The following USH2A variants were observed in gnomAD, a reference collection of about 807,000 sequenced individuals.
The protein encoded by USH2A is usherin.
In USH2A, 443 loss-of-function variants were observed where a neutral mutation model predicts 538.9. The ratio of observed to expected loss-of-function variants is 0.82; its 90% CI spans 0.76 to 0.89. USH2A has a LOEUF of 0.89. Ranked by LOEUF, USH2A falls within the 40% of genes least tolerant of loss-of-function variation. The pLI is 0.00. For synonymous variants in USH2A, 2,413 were observed against 2,273.5 expected, an observed-to-expected ratio of 1.06 and a Z score of -1.75; for missense variants, 6,633 against 6,324.8, an observed-to-expected ratio of 1.05 and a Z score of -1.65.
rs1181522310 is a variant in USH2A, at chr1:216,217,691, A to C, written c.2994-141T>G. The C allele has an allele frequency of 7.2e-6, 7 of 966,628 alleles. No homozygotes were observed. In the African/African-American group the frequency reaches 1.2e-4, roughly 16 times the overall value. The allele number at this position is 966,628 out of a possible 1,614,324, so 59.9% of individuals were successfully genotyped here. On this transcript the variant is annotated intron_variant, in intron 14 of 71. Coordinates refer to ENST00000307340, the MANE Select transcript of USH2A (RefSeq NM_206933.4). ...ATTGAAAAGAATGCTTGAGCTAAAC[A>C]AACAAAGAATCAACATAAAATAAAG...
At chr1:215,894,058 C>A (rs538685844) in intron 40 of USH2A, among the ~76,000 whole-genome samples, 1 of 152,150 alleles carries the variant, frequency 6.6e-6, no homozygotes, top group East Asian at 1.9e-4. Flanking sequence ...CATGGGTCTT[C>A]TGTTCTATGC....
chr1:215,825,508 T>G (rs1663127418), intron 47 of USH2A, among the ~76,000 whole-genome samples: 1 of 152,206 alleles, frequency 6.6e-6, no homozygotes, highest in Admixed American at 6.6e-5. Flanking sequence ...TTACTATTCT[T>G]TAACATTTCA....
At chr1:215,724,952 A>G (rs1231689492) in intron 61 of USH2A, among the ~76,000 whole-genome samples, 1 of 152,190 alleles carries the variant, frequency 6.6e-6, no homozygotes, top group African/African-American at 2.4e-5. Flanking sequence ...GACTTAAATT[A>G]TAGGAGGCAG....
intron 37 of USH2A, among the ~76,000 whole-genome samples, chr1:215,954,709 TATA>T (rs1436588666): frequency 6.6e-6 from 1 of 151,628 alleles, no homozygotes; most frequent in Non-Finnish European, 1.5e-5. Flanking sequence ...AAACTTGAAG[TATA>T]ATAATAATAA....
At chr1:216,199,430 G>A (rs901337221) in intron 17 of USH2A, among the ~76,000 whole-genome samples, 197 bp downstream of exon 17, 2 of 152,158 alleles carry the variant, frequency 1.3e-5, no homozygotes, top group African/African-American at 4.8e-5. Flanking sequence ...AATGGAATTT[G>A]TTATTAGATT....
chr1:215,977,544 T>C (rs1043067546), intron 35 of USH2A, among the ~76,000 whole-genome samples: 5 of 152,174 alleles, frequency 3.3e-5, no homozygotes, highest in African/African-American at 1.2e-4. Context: ...TCTATCTCTG[T>C]AGCCTAGGCT....
chr1:216,046,305 A>T, intron 32 of USH2A, 126 bp downstream of exon 32: 2 of 1,008,106 alleles, frequency 2.0e-6, no homozygotes, highest in Non-Finnish European at 3.0e-6. Flanking sequence ...TTTTTTTCAC[A>T]TATTTCCTAA....
intron 64 of USH2A, among the ~76,000 whole-genome samples, chr1:215,664,833 C>T (rs973335218): frequency 1.3e-5 from 2 of 152,122 alleles, no homozygotes; most frequent in Non-Finnish European, 2.9e-5. Context: ...TGGCCCTCAC[C>T]AGACACTGAA....
intron 55 of USH2A, 150 bp from the exon 56 acceptor site, chr1:215,766,938 C>T: frequency 1.3e-6 from 1 of 768,374 alleles, no homozygotes. Context: ...GTCTGAACCT[C>T]ATAAGAGGCT....
intron 21 of USH2A, among the ~76,000 whole-genome samples, chr1:216,152,790 A>C (rs986767496): frequency 6.6e-6 from 1 of 152,180 alleles, no homozygotes; most frequent in African/African-American, 2.4e-5. Context: ...CCCACCCTGA[A>C]GCCTGGAAAC....
chr1:216,307,245 T>A (rs980885927), intron 9 of USH2A, among the ~76,000 whole-genome samples: 2 of 152,124 alleles, frequency 1.3e-5, no homozygotes, highest in African/African-American at 2.4e-5. Flanking sequence ...TTGCTGAAGC[T>A]GCTCTGAGTG....
At chr1:216,370,690 A>AAAAAAAAAAAAAT (rs2038696001) in intron 3 of USH2A, among the ~76,000 whole-genome samples, 1 of 150,342 alleles carries the variant, frequency 6.7e-6, no homozygotes, top group Non-Finnish European at 1.5e-5. Flanking sequence ...AAAAAAAAAA[A>AAAAAAAAAAAAAT]AAAAAAAAAA....
chr1:216,330,028 T>A (rs907160240), intron 4 of USH2A, among the ~76,000 whole-genome samples: 1 of 152,130 alleles, frequency 6.6e-6, no homozygotes, highest in Non-Finnish European at 1.5e-5. Context: ...AAACAGGGGC[T>A]AGCCATTCAT....
At position 215,998,979 on chromosome 1, in the gene USH2A, T is replaced by C. The variant is rs542406401; in HGVS notation, c.6565A>G (p.Ile2189Val). The C allele has an allele frequency of 7.3e-5, 118 of 1,613,050 alleles. No individual in the cohort carries two copies. The South Asian group carries it at 1.2e-3, about 16-fold the overall frequency. ...GTACTGTTATAGATGACACTCCAAA[T>C]TGTAAAATCATGTGTATGGTTTGAC... ...YMSNHTHDFT[I>V]WSVIYNSTEL... The change falls in exon 34 of 72, where the codon ATT becomes GTT. Residue 2189 changes from isoleucine (I) to valine (V), a missense_variant. Transcript: ENST00000307340.
At chr1:216,199,534 G>A in intron 17 of USH2A, 93 bp downstream of exon 17, 12 of 1,564,312 alleles carry the variant, frequency 7.7e-6, no homozygotes, top group Non-Finnish European at 1.1e-5. Flanking sequence ...GTTATAAAAA[G>A]GAATACAACT....
chr1:215,663,382 T>C (rs1657504267), intron 64 of USH2A, among the ~76,000 whole-genome samples: 4 of 152,118 alleles, frequency 2.6e-5, no homozygotes, highest in African/African-American at 9.7e-5. Flanking sequence ...AGAAATTAAG[T>C]ATCTTTCTTG....
intron 52 of USH2A, among the ~76,000 whole-genome samples, chr1:215,783,618 C>T (rs1011872664): frequency 1.3e-5 from 2 of 152,192 alleles, no homozygotes; most frequent in African/African-American, 4.8e-5. Context: ...GTTGTGTCCC[C>T]AAAGTCTTAG....
At chr1:215,925,088 T>C (rs1571818034) in intron 38 of USH2A, among the ~76,000 whole-genome samples, 1 of 152,262 alleles carries the variant, frequency 6.6e-6, no homozygotes, top group South Asian at 2.1e-4. Context: ...TTTATCCCTC[T>C]CTTTGGCTTA....
chr1:215,710,890 G>C (rs1221059187), intron 61 of USH2A, among the ~76,000 whole-genome samples: 2 of 151,654 alleles, frequency 1.3e-5, no homozygotes, highest in Admixed American at 1.3e-4. Flanking sequence ...CTTATTTCTG[G>C]AATAAGAAAT....
Sources: allele counts gnomAD v4.1 joint callset (sites outside exome capture counted in the v4.1 genomes callset), GRCh38; gene constraint gnomAD v4.1.1; transcripts MANE v1.5; gene names NCBI Gene and HGNC (gene_info 2026-07-23, HGNC 2026-07-21).